MAF: variants seen among roughly 807,000 people sequenced by gnomAD.
The protein encoded by MAF is MAF bZIP transcription factor.
A neutral mutation model predicts 22.0 loss-of-function variants in MAF; 10 were observed. That is an observed-to-expected ratio of 0.45 (90% CI 0.28 to 0.77). The LOEUF (loss-of-function observed/expected upper bound fraction) is 0.77. MAF is among the 30% of genes least tolerant of loss of function. The probability of loss-of-function intolerance (pLI) is 0.12; values close to 1 mark genes in which losing one functional copy is unlikely to be tolerated. For missense variants in MAF, 544 were observed against 548.4 expected (o/e 0.99, Z 0.08); for synonymous variants, 337 against 255.8 (o/e 1.32, Z -3.03).
the MAF span, among the ~76,000 whole-genome samples, chr16:79,541,545 G>C: frequency 2.7e-3 from 404 of 152,158 alleles, 1 homozygote; most frequent in Non-Finnish European, 3.9e-3. Context: ...AGGAAACTGA[G>C]GCTTAGGACA....
chr16:79,550,970 C>G, the MAF span, among the ~76,000 whole-genome samples: 1 of 152,120 alleles, frequency 6.6e-6, no homozygotes, highest in South Asian at 2.1e-4. Context: ...ACCGTGGTTC[C>G]TTTGGAGGCC....
chr16:79,456,939 C>CAT, the MAF span, among the ~76,000 whole-genome samples: 14 of 151,956 alleles, frequency 9.2e-5, no homozygotes, highest in African/African-American at 1.2e-4. Context: ...TGTTTTTACA[C>CAT]ACACACACAC....
the MAF span, among the ~76,000 whole-genome samples, chr16:79,329,956 TA>T: frequency 0.11 from 16,135 of 147,904 alleles, 1,057 homozygotes; most frequent in African/African-American, 0.18. Flanking sequence ...TAAGTCATCA[TA>T]AAAAAAAAAC....
At chr16:79,203,784 T>C in the MAF span, 1 of 152,224 alleles carries the variant, frequency 6.6e-6, no homozygotes, top group Non-Finnish European at 1.5e-5. Context: ...CTGAGCTCAT[T>C]AATTCTGCCT....
At chr16:79,295,687 A>T in the MAF span, among the ~76,000 whole-genome samples, 3 of 152,238 alleles carry the variant, frequency 2.0e-5, no homozygotes, top group Non-Finnish European at 4.4e-5. Flanking sequence ...TTCTCGTTGG[A>T]GAAGGTGTCA....
chr16:79,488,461 A>G, the MAF span, among the ~76,000 whole-genome samples: 1 of 152,132 alleles, frequency 6.6e-6, no homozygotes, highest in African/African-American at 2.4e-5. Context: ...AGCCCACATA[A>G]TCACTCTATG....
At chr16:79,303,164 G>T in the MAF span, among the ~76,000 whole-genome samples, 1 of 152,180 alleles carries the variant, frequency 6.6e-6, no homozygotes, top group African/African-American at 2.4e-5. Context: ...TGTGGAGGAA[G>T]GCTGATGTTC....
chr16:79,222,290 G>A, the MAF span, among the ~76,000 whole-genome samples: 2 of 152,132 alleles, frequency 1.3e-5, no homozygotes, highest in Non-Finnish European at 2.9e-5. Context: ...CAAATTCTGA[G>A]CGATTTTATC....
At chr16:79,251,017 AT>A in the MAF span, among the ~76,000 whole-genome samples, 1 of 152,174 alleles carries the variant, frequency 6.6e-6, no homozygotes, top group East Asian at 1.9e-4. Flanking sequence ...CACCTGCTAC[AT>A]TTTATTAGGA....
the MAF span, among the ~76,000 whole-genome samples, chr16:79,407,896 T>C: frequency 6.6e-6 from 1 of 151,908 alleles, no homozygotes; most frequent in Non-Finnish European, 1.5e-5. Flanking sequence ...AGGCTTACAA[T>C]TTGCAGCTGA....
chr16:79,413,985 G>A, the MAF span, among the ~76,000 whole-genome samples: 1 of 152,208 alleles, frequency 6.6e-6, no homozygotes, highest in Non-Finnish European at 1.5e-5. Context: ...GGCTCCATCA[G>A]TAGCTGGCCA....
At chr16:79,553,912 A>T in the MAF span, among the ~76,000 whole-genome samples, 15 of 152,076 alleles carry the variant, frequency 9.9e-5, no homozygotes, top group Non-Finnish European at 1.3e-4. Flanking sequence ...AATATGGTGA[A>T]ACTCCATCTC....
At chr16:79,422,492 T>C in the MAF span, among the ~76,000 whole-genome samples, 1 of 152,190 alleles carries the variant, frequency 6.6e-6, no homozygotes, top group Non-Finnish European at 1.5e-5. Context: ...CTCCAAGACC[T>C]TGAGCCAGTC....
At chr16:79,416,658 TG>T in the MAF span, among the ~76,000 whole-genome samples, 2 of 152,194 alleles carry the variant, frequency 1.3e-5, no homozygotes, top group African/African-American at 4.8e-5. Flanking sequence ...ATATTGTTCC[TG>T]GGAGCGCGGT....
the MAF span, chr16:79,264,411 G>C: frequency 6.6e-6 from 1 of 152,178 alleles, no homozygotes; most frequent in Non-Finnish European, 1.5e-5. Flanking sequence ...CATCAGTTAG[G>C]TTAAATAACT....
the MAF span, among the ~76,000 whole-genome samples, chr16:79,336,859 C>T: frequency 3.3e-5 from 5 of 152,134 alleles, no homozygotes; most frequent in Non-Finnish European, 5.9e-5. Flanking sequence ...CAGACATAAT[C>T]CTGGTTTGGA....
the MAF span, among the ~76,000 whole-genome samples, chr16:79,519,763 G>A: frequency 7.2e-5 from 11 of 152,354 alleles, no homozygotes; most frequent in African/African-American, 1.4e-4. Flanking sequence ...CCGGTGTGAC[G>A]CTGAGCGTCC....
At chr16:79,478,583 G>C in the MAF span, among the ~76,000 whole-genome samples, 1 of 152,216 alleles carries the variant, frequency 6.6e-6, no homozygotes, top group East Asian at 1.9e-4. Flanking sequence ...TACCATCCCA[G>C]AGAACCACCC....
the MAF span, among the ~76,000 whole-genome samples, chr16:79,310,981 G>C: frequency 6.6e-6 from 1 of 152,060 alleles, no homozygotes; most frequent in African/African-American, 2.4e-5. Flanking sequence ...CCAGGAGCGC[G>C]AGCTTCCACC....
Sources: gnomAD v4.1 joint callset for allele counts (sites outside exome capture counted in the v4.1 genomes callset) on GRCh38, gnomAD v4.1.1 for gene constraint, MANE v1.5 for transcripts, NCBI Gene and HGNC (gene_info 2026-07-23, HGNC 2026-07-21) for gene names.